The following APC variants were observed in gnomAD, a reference collection of about 807,000 sequenced individuals.
The protein encoded by APC is APC regulator of Wnt signaling pathway.
Under a neutral mutation model 247.0 loss-of-function variants are expected in APC, and 72 were observed. The ratio of observed to expected loss-of-function variants is 0.29; its 90% CI spans 0.24 to 0.35. The LOEUF (loss-of-function observed/expected upper bound fraction) is 0.35, where lower values mean the gene tolerates loss of function less well. APC is among the 10% of genes least tolerant of loss of function. The probability of loss-of-function intolerance (pLI) is 1.00; values close to 1 mark genes in which losing one functional copy is unlikely to be tolerated. For synonymous variants in APC, 1,254 were observed against 1,162.5 expected, an observed-to-expected ratio of 1.08 and a Z score of -1.60; for missense variants, 3,400 against 3,360.7, an observed-to-expected ratio of 1.01 and a Z score of -0.29.
chr5:112,792,553 T>G, intron 7 of APC, 24 bp downstream of exon 7: 2 of 1,563,090 alleles, frequency 1.3e-6, no homozygotes, highest in Non-Finnish European at 1.8e-6. Context: ...CTTTCTTGTT[T>G]GTGGGTATAA....
chr5:112,715,489 C>T (rs1319294266), intron 1 of APC, among the ~76,000 whole-genome samples: 1 of 152,096 alleles, frequency 6.6e-6, no homozygotes, highest in Admixed American at 6.5e-5. Context: ...GTGAGGTGGC[C>T]TGTACCATTC....
At position 112,842,864 on chromosome 5, in the gene APC, T is replaced by C. The variant is rs2149983219; in HGVS notation, c.7270T>C (p.Ser2424Pro). 1.2e-6 allele frequency: 2 copies of C among 1,613,954 alleles called. 1 individual carries two copies. Among genetic ancestry groups the C allele is most frequent in the South Asian group, 2.2e-5 (2 of 91,082 alleles). The change falls in exon 16 of 16, where the codon TCA becomes CCA. Residue 2424 changes from serine to proline, a missense_variant. Ser to Pro is a moderately conservative substitution (Grantham distance 74). Around this residue, in one of 9 missense-constraint regions of APC, gnomAD observed 1,788 missense variants for 1,649.5 expected, o/e 1.08. Transcript: ENST00000257430. ...ACTTTCTAGAATGTCTTCAACTAAATCAAGTGGAAGTGAATCTGATAGATC... is the reference window on the plus strand; with the variant it reads ...ACTTTCTAGAATGTCTTCAACTAAACCAAGTGGAAGTGAATCTGATAGATC... Reference protein sequence around the residue: ...VELSRMSSTKSSGSESDRSER... With the variant: ...VELSRMSSTKPSGSESDRSER...
chr5:112,721,255 A>G (rs1751466321), intron 1 of APC, among the ~76,000 whole-genome samples: 1 of 152,074 alleles, frequency 6.6e-6, no homozygotes, highest in African/African-American at 2.4e-5. Flanking sequence ...CTCTAGTAAA[A>G]ATACAAAAAT....
At chr5:112,779,418 C>T (rs1025551518) in intron 5 of APC, among the ~76,000 whole-genome samples, 5 of 152,160 alleles carry the variant, frequency 3.3e-5, no homozygotes, top group African/African-American at 1.2e-4. Flanking sequence ...GTTAATTATT[C>T]TCTACTAATT....
At chr5:112,803,275 A>C (rs1359179204) in intron 8 of APC, among the ~76,000 whole-genome samples, 1 of 152,140 alleles carries the variant, frequency 6.6e-6, no homozygotes, top group Admixed American at 6.6e-5. Context: ...AACATCTAAG[A>C]TTTTTTGCTA....
At chr5:112,827,784 T>A (rs1763852188) in intron 12 of APC, 145 bp from the exon 13 acceptor site, 1 of 692,606 alleles carries the variant, frequency 1.4e-6, no homozygotes, top group South Asian at 1.7e-5. Flanking sequence ...ATTTAGGTAA[T>A]CTTATTCTAG....
At position 112,761,996 on chromosome 5, in the gene APC, CAGTTCAGAATA is replaced by C. The variant is rs975362391; in HGVS notation, c.136-4329_136-4319del. On this transcript the variant is annotated intron_variant, in intron 2 of 15. Coordinates refer to ENST00000257430, the MANE Select transcript of APC (RefSeq NM_000038.6). Reference sequence around the variant, plus strand: ...CAATACATATATCTGACCAAAGGCTCAGTTCAGAATATATTAAGTAATTCCTTCAGAATATA... The same window carrying C: ...CAATACATATATCTGACCAAAGGCTCTATTAAGTAATTCCTTCAGAATATA... Among the ~76,000 whole-genome samples the C allele has an allele frequency of 1.3e-3, 192 of 152,284 alleles. 3 individuals are homozygous for C. Among genetic ancestry groups the C allele is most frequent in the African/African-American group, 4.4e-3 (184 of 41,562 alleles).
At chr5:112,768,906 C>A (rs1310702777) in intron 4 of APC, among the ~76,000 whole-genome samples, 1 of 152,052 alleles carries the variant, frequency 6.6e-6, no homozygotes, top group Non-Finnish European at 1.5e-5. Flanking sequence ...GTGTAGAACA[C>A]TAGAACTTAT....
chr5:112,804,343 G>A (rs1236538441), intron 8 of APC, among the ~76,000 whole-genome samples: 2 of 152,120 alleles, frequency 1.3e-5, no homozygotes, highest in African/African-American at 2.4e-5. Flanking sequence ...CTGGCAGAGA[G>A]CATTTATGTT....
Position 112,841,030 on chromosome 5 carries a change from G to A in APC, c.5436G>A (p.Lys1812=), listed in dbSNP as rs746952584. 6.2e-7 allele frequency: 1 copy of A among 1,610,764 alleles called. No individual in the cohort carries two copies. The highest frequency in any genetic ancestry group is 8.5e-7 in the Non-Finnish European group (1 of 1,177,154). ...ERVFSDNKDS[K]KQNLKNNSKV... is the part of the protein sequence containing the mutation. ...TTTTCTCAGACAACAAAGATTCAAA[G>A]AAACAGAATTTGAAAAATAATTCCA... The change falls in exon 16 of 16, where the codon AAG becomes AAA. Residue 1812 remains lysine, a synonymous_variant. Transcript: ENST00000257430. The surrounding 1 kb of genome is among the most constrained non-coding windows in gnomAD (Gnocchi z 4.6).
chr5:112,737,879 G>A (rs897661638), upstream of APC: 10 of 985,534 alleles, frequency 1.0e-5, no homozygotes, highest in African/African-American at 5.2e-5. Flanking sequence ...AGCCCGCCAG[G>A]GTGTCACTGG....
intron 1 of APC, among the ~76,000 whole-genome samples, chr5:112,749,680 G>T (rs899873697): frequency 1.9e-4 from 29 of 151,566 alleles, no homozygotes; most frequent in African/African-American, 6.8e-4. Context: ...TAGAGGCGGG[G>T]TTTCACCATG....
In APC at chr5:112,722,451, C is replaced by A. The variant is rs938632627; in HGVS notation, c.165+14569C>A. Among the ~76,000 whole-genome samples the A allele has an allele frequency of 2.0e-5, 3 of 152,168 alleles. No individual in the cohort carries two copies. In the East Asian group the frequency reaches 5.8e-4, roughly 29 times the overall value. On this transcript the variant is annotated intron_variant, in intron 1 of 13. Transcript: ENST00000507379. ...AGACGTGGGGCTTTTTCCCCACACACCAATAGTGGATGCTAGTTGGGTGTC... is the reference window on the plus strand; with the variant it reads ...AGACGTGGGGCTTTTTCCCCACACAACAATAGTGGATGCTAGTTGGGTGTC...
intron 1 of APC, among the ~76,000 whole-genome samples, chr5:112,745,515 G>A (rs757796383): frequency 2.7e-5 from 4 of 150,068 alleles, no homozygotes; most frequent in South Asian, 2.1e-4. Context: ...GAATGTTTAA[G>A]TAAAGTAAGG....
At position 112,766,388 on chromosome 5, in the gene APC, T is replaced by G; in HGVS notation, c.198T>G (p.Ile66Met). 1.2e-6 allele frequency: 2 copies of G among 1,611,700 alleles called. No individual in the cohort carries two copies. Among genetic ancestry groups the G allele is most frequent in the Admixed American group, 1.7e-5 (1 of 60,000 alleles). ...AAGCTATGGCTTCTTCTGGACAGAT[T>G]GATTTATTAGAGCGTCTTAAAGGTA... The part of the protein sequence containing the change: ...EDEAMASSGQ[I>M]DLLERLKELN... Residue 66 changes from isoleucine to methionine, a missense_variant, in exon 3 of 16, where the codon ATT becomes ATG. By Grantham distance (10) the Ile-to-Met change is conservative (BLOSUM62 1). Around this residue, in one of 9 missense-constraint regions of APC, gnomAD observed 372 missense variants for 367.6 expected, o/e 1.01. Transcript: ENST00000257430.
At chr5:112,785,484 A>G (rs1758836618) in intron 6 of APC, among the ~76,000 whole-genome samples, 1 of 152,216 alleles carries the variant, frequency 6.6e-6, no homozygotes, top group Admixed American at 6.5e-5. Flanking sequence ...GAAGGACACT[A>G]AATTTTTTGG....
intron 6 of APC, among the ~76,000 whole-genome samples, chr5:112,791,684 ACAAAT>A (rs1353993798): frequency 1.3e-5 from 2 of 152,166 alleles, no homozygotes; most frequent in African/African-American, 2.4e-5. Flanking sequence ...ATTTATTAAA[ACAAAT>A]CAGATGTTCT....
intron 9 of APC, 111 bp from the exon 10 acceptor site, chr5:112,818,855 G>C: frequency 8.9e-7 from 1 of 1,118,296 alleles, no homozygotes; most frequent in South Asian, 1.4e-5. Context: ...GGCGGGGGGG[G>C]TTGTTTTGTT....
intron 8 of APC, among the ~76,000 whole-genome samples, chr5:112,805,459 T>C (rs190122249): frequency 1.3e-5 from 2 of 152,342 alleles, no homozygotes; most frequent in East Asian, 3.9e-4. Flanking sequence ...TAAGTATGTT[T>C]GTTTAGCAGT....
Sources: allele counts gnomAD v4.1 joint callset (sites outside exome capture counted in the v4.1 genomes callset), GRCh38; gene constraint gnomAD v4.1.1; regional missense constraint gnomAD v4.1.1; non-coding constraint Gnocchi (gnomAD v3.1); transcripts MANE v1.5; gene names NCBI Gene and HGNC (gene_info 2026-07-23, HGNC 2026-07-21).